The following PRTFDC1 variants were observed in gnomAD, a reference collection of about 807,000 sequenced individuals.
The protein encoded by PRTFDC1 is phosphoribosyltransferase domain-containing protein 1.
In PRTFDC1, 38 loss-of-function variants were observed where a neutral mutation model predicts 34.6. The observed-to-expected ratio is 1.10, with a 90% confidence interval of 0.85 to 1.44. The LOEUF (loss-of-function observed/expected upper bound fraction) is 1.44, where lower values mean the gene tolerates loss of function less well. Ranked by LOEUF, PRTFDC1 falls within the 40% of genes most tolerant of loss-of-function variation. The pLI is 0.00. For synonymous variants in PRTFDC1, 93 were observed against 98.1 expected, an observed-to-expected ratio of 0.95 and a Z score of 0.31; for missense variants, 270 against 283.0, an observed-to-expected ratio of 0.95 and a Z score of 0.33.
At chr10:24,880,036 A>G (rs1170566915) in intron 3 of PRTFDC1, among the ~76,000 whole-genome samples, 3 of 152,120 alleles carry the variant, frequency 2.0e-5, no homozygotes, top group African/African-American at 7.2e-5. Context: ...CTTTTTGTGC[A>G]CTGACCTTGA....
chr10:24,922,975 G>T lies in PRTFDC1; in HGVS notation c.339+14209C>A, dbSNP rs571253270. ...ACTTTTCCCACAGTCTTAGCAACTGGCAGACAAAGAGATTCCATCCTGTCT... is the reference window on the plus strand; with the variant it reads ...ACTTTTCCCACAGTCTTAGCAACTGTCAGACAAAGAGATTCCATCCTGTCT... On this transcript the variant is annotated intron_variant, in intron 3 of 8. Coordinates refer to ENST00000320152, the MANE Select transcript of PRTFDC1 (RefSeq NM_020200.7). Among the ~76,000 whole-genome samples the T allele has an allele frequency of 2.0e-5, 3 of 152,300 alleles. No homozygotes were observed. In the South Asian group the frequency reaches 6.2e-4, roughly 32 times the overall value.
intron 3 of PRTFDC1, among the ~76,000 whole-genome samples, chr10:24,931,923 A>C (rs1029774163): frequency 6.6e-6 from 1 of 151,394 alleles, no homozygotes; most frequent in Non-Finnish European, 1.5e-5. Context: ...GAAAAAAAAA[A>C]AACAAAAAAC....
intron 4 of PRTFDC1, among the ~76,000 whole-genome samples, chr10:24,862,279 G>A (rs1336631929): frequency 2.0e-5 from 3 of 152,242 alleles, no homozygotes; most frequent in Non-Finnish European, 4.4e-5. Flanking sequence ...AATGGCCTTT[G>A]TAGCTGGTTT....
chr10:24,881,585 T>C (rs1466784484), intron 3 of PRTFDC1, among the ~76,000 whole-genome samples: 1 of 152,200 alleles, frequency 6.6e-6, no homozygotes, highest in African/African-American at 2.4e-5. Flanking sequence ...ATTTTTATCT[T>C]GGGGATCAGG....
intron 5 of PRTFDC1, among the ~76,000 whole-genome samples, chr10:24,857,671 G>T (rs545955203): frequency 6.6e-6 from 1 of 152,286 alleles, no homozygotes; most frequent in South Asian, 2.1e-4. Context: ...TGGTTAGAGG[G>T]TCTACTCCAT....
intron 3 of PRTFDC1, among the ~76,000 whole-genome samples, chr10:24,929,474 G>A (rs1001073184): frequency 6.6e-6 from 1 of 152,142 alleles, no homozygotes; most frequent in Admixed American, 6.5e-5. Flanking sequence ...CAACATGCAG[G>A]AATTATTCAT....
intron 3 of PRTFDC1, among the ~76,000 whole-genome samples, chr10:24,872,725 A>T (rs1000368065): frequency 3.6e-5 from 5 of 139,228 alleles, no homozygotes; most frequent in African/African-American, 1.3e-4. Flanking sequence ...TAATACACAA[A>T]ATATATATAT....
At chr10:24,867,500 C>T (rs1847800082) in intron 4 of PRTFDC1, 2 of 152,102 alleles carry the variant, frequency 1.3e-5, no homozygotes, top group South Asian at 4.1e-4. Context: ...AAGTTCAGCT[C>T]TTCATTGAGA....
intron 3 of PRTFDC1, chr10:24,908,654 C>T: frequency 1.2e-6 from 2 of 1,610,914 alleles, no homozygotes. Flanking sequence ...TCCTCTATCA[C>T]AGATGGTTGT....
At chr10:24,902,609 C>T (rs1848467135) in intron 3 of PRTFDC1, among the ~76,000 whole-genome samples, 1 of 152,054 alleles carries the variant, frequency 6.6e-6, no homozygotes, top group South Asian at 2.1e-4. Context: ...TCTAGGTGCT[C>T]CAGAGAAAGT....
intron 4 of PRTFDC1, among the ~76,000 whole-genome samples, chr10:24,868,944 A>ATT (rs1847832071): frequency 6.6e-6 from 1 of 152,160 alleles, no homozygotes; most frequent in South Asian, 2.1e-4. Flanking sequence ...TACGGAGTAC[A>ATT]TGAGTGTTTG....
At chr10:24,885,900 A>T in intron 3 of PRTFDC1, among the ~76,000 whole-genome samples, 1 of 152,262 alleles carries the variant, frequency 6.6e-6, no homozygotes, top group Non-Finnish European at 1.5e-5. Flanking sequence ...GAAAGGCCAC[A>T]CACTGTAAGA....
At chr10:24,930,665 C>G (rs1315793590) in intron 3 of PRTFDC1, among the ~76,000 whole-genome samples, 1 of 152,100 alleles carries the variant, frequency 6.6e-6, no homozygotes, top group Non-Finnish European at 1.5e-5. Flanking sequence ...GATTTAAATA[C>G]TAGATCCACC....
chr10:24,896,927 T>A (rs2132547190), intron 3 of PRTFDC1, among the ~76,000 whole-genome samples: 1 of 152,250 alleles, frequency 6.6e-6, no homozygotes, highest in Admixed American at 6.5e-5. Context: ...ATTTAAAAAT[T>A]AATCAGGTGT....
chr10:24,940,034 T>C (rs1849128873), intron 2 of PRTFDC1, among the ~76,000 whole-genome samples: 1 of 152,022 alleles, frequency 6.6e-6, no homozygotes, highest in South Asian at 2.1e-4. Flanking sequence ...TCCTAATATA[T>C]ATGCTCCTAA....
chr10:24,871,153 A>G (rs563571646), intron 4 of PRTFDC1, among the ~76,000 whole-genome samples: 3 of 150,332 alleles, frequency 2.0e-5, no homozygotes, highest in East Asian at 2.0e-4. Flanking sequence ...TGTGGCTGCT[A>G]TTTTTTTCCC....
At chr10:24,896,787 A>T (rs1459776101) in intron 3 of PRTFDC1, among the ~76,000 whole-genome samples, 1 of 152,226 alleles carries the variant, frequency 6.6e-6, no homozygotes, top group Non-Finnish European at 1.5e-5. Flanking sequence ...TCTTCTAAAA[A>T]GTTGAAAAGG....
intron 3 of PRTFDC1, among the ~76,000 whole-genome samples, chr10:24,880,145 T>G (rs1401192722): frequency 6.6e-6 from 1 of 152,214 alleles, no homozygotes; most frequent in Non-Finnish European, 1.5e-5. Flanking sequence ...ACTAAATGAA[T>G]TAGTACGCAT....
At chr10:24,919,865 TG>T (rs1437236068) in intron 3 of PRTFDC1, among the ~76,000 whole-genome samples, 1 of 150,692 alleles carries the variant, frequency 6.6e-6, no homozygotes, top group Non-Finnish European at 1.5e-5. Context: ...CCAACAAACA[TG>T]AAAAAAAACT....
Sources: gnomAD v4.1 joint callset for allele counts (sites outside exome capture counted in the v4.1 genomes callset) on GRCh38, gnomAD v4.1.1 for gene constraint, MANE v1.5 for transcripts, NCBI Gene and HGNC (gene_info 2026-07-23, HGNC 2026-07-21) for gene names.